Variants in MYH11 observed in about 807,000 individuals in gnomAD.
MYH11 encodes myosin heavy chain 11.
In MYH11, 80 loss-of-function variants were observed where a neutral mutation model predicts 246.6. The observed-to-expected ratio is 0.32, with a 90% CI of 0.27 to 0.39. The LOEUF (loss-of-function observed/expected upper bound fraction) is 0.39. MYH11 is among the 10% of genes least tolerant of loss of function. The pLI is 1.00. For synonymous variants in MYH11, 1,071 were observed against 1,015.5 expected (o/e 1.05, Z -1.04); for missense variants, 2,158 against 2,546.8 (o/e 0.85, Z 3.29).
In MYH11 at chr16:15,741,818, T is replaced by C; in HGVS notation, c.2594A>G (p.Lys865Arg). 1 of 1,614,246 alleles carries C rather than the reference T, an allele frequency of 6.2e-7. No homozygotes were observed. ...QAKEDELQKT[K>R]ERQQKAENEL... ...ATTCTCTGCCTTCTGCTGCCGCTCC[T>C]TGGTCTTCTGCAGTTCATCCTCCTT... The change falls in exon 21 of 41, where the codon AAG (lysine) becomes AGG (arginine). Residue 865 changes from lysine to arginine, a missense_variant. Lys to Arg is a conservative substitution (Grantham distance 26). Transcript: ENST00000300036.
At chr16:15,752,090 C>T (rs1340999765) in intron 15 of MYH11, among the ~76,000 whole-genome samples, 2 of 152,102 alleles carry the variant, frequency 1.3e-5, no homozygotes, top group Admixed American at 1.3e-4. Flanking sequence ...CCATGCGCAG[C>T]CTCATGCTTG....
intron 9 of MYH11, among the ~76,000 whole-genome samples, chr16:15,764,477 T>C (rs2041938060): frequency 6.6e-6 from 1 of 150,428 alleles, no homozygotes; most frequent in Non-Finnish European, 1.5e-5. Flanking sequence ...ATCCTGTCTC[T>C]AAAACAAAAA....
Position 15,737,558 on chromosome 16 carries a change from C to A in MYH11, c.3184G>T (p.Gly1062Cys). 1 of 1,614,008 alleles carries A rather than the reference C, an allele frequency of 6.2e-7. No individual in the cohort carries two copies. The highest frequency in any genetic ancestry group is 8.5e-7 in the Non-Finnish European group (1 of 1,180,030). ...ELEKLKRKLE[G>C]DASDFHEQIA... Reference sequence around the variant, plus strand: ...TGCTCGTGGAAGTCGCTGGCATCACCCTCCAGCTTCCGTTTCAGCTTCTCC... The same window carrying A: ...TGCTCGTGGAAGTCGCTGGCATCACACTCCAGCTTCCGTTTCAGCTTCTCC... The change falls in exon 25 of 41, where the codon GGT (glycine) becomes TGT (cysteine). Residue 1062 changes from glycine (G) to cysteine (C), a missense_variant. By Grantham distance (159) the Gly-to-Cys change is radical (BLOSUM62 -3). This residue lies in a region of MYH11 where 284 missense variants were observed against 315.4 expected (regional missense o/e 0.90). Transcript: ENST00000300036.
At chr16:15,797,553 A>AT (rs1491472882) in intron 4 of MYH11, among the ~76,000 whole-genome samples, 24 of 148,132 alleles carry the variant, frequency 1.6e-4, no homozygotes, top group African/African-American at 5.2e-4. Context: ...ATATATATAT[A>AT]AATATAAATA....
intron 3 of MYH11, among the ~76,000 whole-genome samples, chr16:15,801,888 T>G (rs1336933913): frequency 2.0e-5 from 3 of 151,654 alleles, no homozygotes; most frequent in African/African-American, 4.8e-5. Flanking sequence ...ACCCAGGAGG[T>G]GGAGGTTGCA....
chr16:15,750,032 T>G lies in MYH11; in HGVS notation c.2058+106A>C. 7.5e-7 allele frequency: 1 copy of G among 1,339,940 alleles called. No homozygotes were observed. The highest frequency in any genetic ancestry group is 1.4e-5 in the African/African-American group (1 of 69,380). The allele number at this position is 1,339,940 out of a possible 1,614,324, so 83.0% of individuals were successfully genotyped here. The stretch of plus-strand genomic sequence containing the variant: ...CAGATAGCCTTCCCCACATGGAAAA[T>G]GGGGTCCTCGGGGTAGGTGGGGGCA... On this transcript the variant is annotated intron_variant, in intron 16 of 40. Transcript: ENST00000300036. This position sits in a 1 kb window ranked among gnomAD's most constrained non-coding sequence, Gnocchi z 4.3.
At position 15,788,095 on chromosome 16, in the gene MYH11, T is replaced by TTTTTTTTTTTTTTTTTA. The variant is rs11273419; in HGVS notation, c.531-1364_531-1363insTAAAAAAAAAAAAAAAA. On this transcript the variant is annotated intron_variant, in intron 4 of 40. Transcript: ENST00000300036. The stretch of plus-strand genomic sequence containing the variant: ...GGTAGATCTTTTTTTTTTTTTTTTT[T>TTTTTTTTTTTTTTTTTA]ACCAAGATGGCTTTCGTGCACTAGC... Among the ~76,000 whole-genome samples the TTTTTTTTTTTTTTTTTA allele has an allele frequency of 7.4e-4, 74 of 99,500 alleles. 13 individuals carry two copies. The highest frequency in any genetic ancestry group is 1.7e-3 in the African/African-American group (48 of 29,044). 65.3% of individuals were successfully genotyped at this position (99,500 alleles called of 152,430 possible).
chr16:15,724,560 A>G lies in MYH11; in HGVS notation c.4116+87T>C, dbSNP rs1052436893. On this transcript the variant is annotated intron_variant, in intron 30 of 40. Transcript: ENST00000300036. ...TGGGGGGTCAAGCACCATCGCACCA[A>G]CACTCCACCGCGATCTGCCTGCGGG... 2.9e-5 allele frequency: 46 copies of G among 1,608,486 alleles called. No homozygotes were observed. In the African/African-American group the frequency reaches 4.8e-4, roughly 17 times the overall value.
At chr16:15,729,081 A>T (rs1453148390) in intron 27 of MYH11, among the ~76,000 whole-genome samples, 1 of 151,772 alleles carries the variant, frequency 6.6e-6, no homozygotes, top group Non-Finnish European at 1.5e-5. Context: ...CCTCCCTCCA[A>T]GACATGACTA....
intron 4 of MYH11, among the ~76,000 whole-genome samples, chr16:15,796,583 A>G (rs2042746989): frequency 6.6e-6 from 1 of 152,138 alleles, no homozygotes; most frequent in Non-Finnish European, 1.5e-5. Context: ...CTCCTAGGGG[A>G]TCAAATGCCT....
At chr16:15,804,029 T>A (rs2042951994) in intron 3 of MYH11, among the ~76,000 whole-genome samples, 1 of 152,132 alleles carries the variant, frequency 6.6e-6, no homozygotes, top group Non-Finnish European at 1.5e-5. Context: ...TCTGATTCCT[T>A]CCCCAAGCCT....
rs1596822713 is a variant in MYH11 at position 15,778,813 on chromosome 16, T to C, written c.757A>G (p.Thr253Ala). 4 of 1,613,996 alleles carry C rather than the reference T, an allele frequency of 2.5e-6. No homozygotes were observed. The highest frequency in any genetic ancestry group is 2.7e-5 in the African/African-American group (2 of 74,894). Residue 253 changes from threonine (T) to alanine (A), a missense_variant, in exon 7 of 41, where the codon ACG becomes GCG. Thr to Ala is a moderately conservative substitution (Grantham distance 58). This residue lies in a region of MYH11 where 123 missense variants were observed against 207.1 expected (regional missense o/e 0.59). Coordinates refer to ENST00000300036, the MANE Select transcript of MYH11 (RefSeq NM_002474.3). Reference protein sequence around the residue: ...GKFIRINFDVTGYIVGANIET... With the variant: ...GKFIRINFDVAGYIVGANIET... ...ATGTTGGCTCCCACGATGTAACCCG[T>C]GACGTCGAAGTTGATGCGGATGAAT...
At position 15,750,297 on chromosome 16, in the gene MYH11, C is replaced by A; in HGVS notation, c.1899G>T (p.Lys633Asn). Residue 633 changes from lysine to asparagine, a missense_variant, in exon 16 of 41, where the codon AAG becomes AAT. By Grantham distance (94) the Lys-to-Asn change is moderately conservative. Coordinates refer to ENST00000300036, the MANE Select transcript of MYH11 (RefSeq NM_002474.3). This position sits in a 1 kb window ranked among gnomAD's most constrained non-coding sequence, Gnocchi z 4.3. ...DRIVGLDQMA[K>N]MTESSLPSAS... is the part of the protein sequence containing the mutation. ...CGCTGGGCAGCGAGCTCTCCGTCAT[C>A]TTGGCCATCTGGTCCAGGCCCACGA... 1 of 1,612,880 alleles carries A rather than the reference C, an allele frequency of 6.2e-7. No homozygotes were observed.
intron 27 of MYH11, among the ~76,000 whole-genome samples, chr16:15,729,194 C>T (rs2040886994): frequency 6.6e-6 from 1 of 152,046 alleles, no homozygotes; most frequent in Non-Finnish European, 1.5e-5. Context: ...CTTAGCCCAG[C>T]CTAAGACCCC....
rs2041825660 is a variant in MYH11 at position 15,759,826 on chromosome 16, A to G, written c.1249-98T>C. On this transcript the variant is annotated intron_variant, in intron 11 of 40. Transcript: ENST00000300036. ...AAGATTTTTATTCTTGGCCGGGTGC[A>G]GTGACTCACACTGTAATCCCAGCAC... 30 of 1,468,844 alleles carry G rather than the reference A, an allele frequency of 2.0e-5. No individual in the cohort carries two copies. In the East Asian group the frequency reaches 7.1e-4, roughly 35 times the overall value. The allele number at this position is 1,468,844 out of a possible 1,614,324, so 91.0% of individuals were successfully genotyped here.
In MYH11 at chr16:15,793,619, T is replaced by C. The variant is rs1302694928; in HGVS notation, c.530+5041A>G. ...ATTTTCAGTTTCTTTTCTTTTCTTTTTTTTTTTTTTTTTTTTTTGAGACAG... is the reference window on the plus strand; with the variant it reads ...ATTTTCAGTTTCTTTTCTTTTCTTTCTTTTTTTTTTTTTTTTTTGAGACAG... On this transcript the variant is annotated intron_variant, in intron 4 of 40. Transcript: ENST00000300036. Among the ~76,000 whole-genome samples, 11 of 133,568 alleles carry C rather than the reference T, an allele frequency of 8.2e-5. No individual in the cohort carries two copies. In the East Asian group the frequency reaches 1.2e-3, roughly 15 times the overall value. 87.6% of individuals were successfully genotyped at this position (133,568 alleles called of 152,430 possible). A position where few individuals can be genotyped will look rare whatever the true frequency, so the allele number is the denominator to read the frequency against.
chr16:15,770,389 T>C lies in MYH11; in HGVS notation c.1033+1180A>G, dbSNP rs879691325. On this transcript the variant is annotated intron_variant, in intron 9 of 40. Transcript: ENST00000300036. ...TTCCACAGTTCTGTCCTGGTGTTCC[T>C]GAAAGAGATTAACCTTCAACACTGA... Among the ~76,000 whole-genome samples the C allele has an allele frequency of 2.6e-4, 40 of 152,314 alleles. 1 individual carries two copies. Among genetic ancestry groups the C allele is most frequent in the Admixed American group, 2.6e-3 (40 of 15,294 alleles).
At chr16:15,761,173 C>T (rs748397571) in intron 10 of MYH11, among the ~76,000 whole-genome samples, 7 of 150,974 alleles carry the variant, frequency 4.6e-5, no homozygotes, top group Non-Finnish European at 7.4e-5. Context: ...TGCAGTGGCG[C>T]GATCTCAGCT....
intron 10 of MYH11, among the ~76,000 whole-genome samples, chr16:15,761,082 A>C (rs2041857315): frequency 6.6e-6 from 1 of 152,110 alleles, no homozygotes; most frequent in Non-Finnish European, 1.5e-5. Context: ...CCTGAGATAG[A>C]TAGATTTATT....
Sources: allele counts gnomAD v4.1 joint callset (sites outside exome capture counted in the v4.1 genomes callset), GRCh38; gene constraint gnomAD v4.1.1; regional missense constraint gnomAD v4.1.1; non-coding constraint Gnocchi (gnomAD v3.1); transcripts MANE v1.5; gene names NCBI Gene and HGNC (gene_info 2026-07-23, HGNC 2026-07-21).